CTNNA1: variants seen among roughly 807,000 people sequenced by gnomAD.
CTNNA1 encodes the protein catenin alpha 1, also known as catenin alpha-1.
CTNNA1 carries 37 observed loss-of-function variants against 98.4 expected under a neutral mutation model. That is an observed-to-expected ratio of 0.38 (90% CI 0.29 to 0.49). The LOEUF (loss-of-function observed/expected upper bound fraction) is 0.49. Among genes scored for constraint, CTNNA1 ranks in the 20% least tolerant of loss-of-function variants. The pLI is 0.95. For missense variants in CTNNA1, 761 were observed against 1,147.2 expected, an observed-to-expected ratio of 0.66 and a Z score of 4.86; for synonymous variants, 404 against 413.2, an observed-to-expected ratio of 0.98 and a Z score of 0.27.
intron 10 of CTNNA1, among the ~76,000 whole-genome samples, chr5:138,916,285 G>A (rs1761744481): frequency 6.6e-6 from 1 of 151,738 alleles, no homozygotes; most frequent in African/African-American, 2.4e-5. Flanking sequence ...AACTGAATGT[G>A]GTGAATGTTG....
intron 7 of CTNNA1, among the ~76,000 whole-genome samples, chr5:138,831,234 G>A (rs1373505586): frequency 6.6e-6 from 1 of 152,062 alleles, no homozygotes; most frequent in Non-Finnish European, 1.5e-5. Flanking sequence ...TTTCTCTGAG[G>A]CAGTGATTCT....
chr5:138,766,394 G>A (rs1272359081), intron 1 of CTNNA1, among the ~76,000 whole-genome samples: 1 of 151,902 alleles, frequency 6.6e-6, no homozygotes, highest in Non-Finnish European at 1.5e-5. Flanking sequence ...AGTAGGCGAG[G>A]CTTGTAGGAG....
At chr5:138,803,178 G>C (rs1253108314) in intron 3 of CTNNA1, among the ~76,000 whole-genome samples, 2 of 148,492 alleles carry the variant, frequency 1.3e-5, no homozygotes, top group Non-Finnish European at 3.0e-5. Flanking sequence ...TTTTTTGGGA[G>C]ATGGGGTCTG....
chr5:138,874,536 A>G lies in CTNNA1; in HGVS notation c.1063-11676A>G. ...ATTGCTGCCAGCATAGGGGCCCCTAATGGCCACTTGAAATGTAAGCCTGCA... is the reference window on the plus strand; with the variant it reads ...ATTGCTGCCAGCATAGGGGCCCCTAGTGGCCACTTGAAATGTAAGCCTGCA... On this transcript the variant is annotated intron_variant, in intron 7 of 17. Coordinates refer to ENST00000302763, the MANE Select transcript of CTNNA1 (RefSeq NM_001903.5). This position sits in a 1 kb window ranked among gnomAD's most constrained non-coding sequence, Gnocchi z 4.1. The G allele has an allele frequency of 6.4e-7, 1 of 1,574,768 alleles. No individual in the cohort carries two copies. Among genetic ancestry groups the G allele is most frequent in the Non-Finnish European group, 8.6e-7 (1 of 1,156,682 alleles).
chr5:138,846,162 G>GGCTGGTCTTGAACTCCTGGCCTC lies in CTNNA1; in HGVS notation c.1062+18445_1062+18467dup, dbSNP rs1302841312. Among the ~76,000 whole-genome samples, 10 of 152,308 alleles carry GGCTGGTCTTGAACTCCTGGCCTC rather than the reference G, an allele frequency of 6.6e-5. No homozygotes were observed. In the East Asian group the frequency reaches 1.9e-3, roughly 29 times the overall value. On this transcript the variant is annotated intron_variant, in intron 7 of 17. Coordinates refer to ENST00000302763, the MANE Select transcript of CTNNA1 (RefSeq NM_001903.5). ...AGACAGGGTTTCACCATCTTGGCCA[G>GGCTGGTCTTGAACTCCTGGCCTC]GCTGGTCTTGAACTCCTGGCCTCAG...
intron 1 of CTNNA1, among the ~76,000 whole-genome samples, chr5:138,760,044 G>C (rs1243919748): frequency 4.3e-5 from 6 of 140,474 alleles, no homozygotes; most frequent in African/African-American, 1.6e-4. Flanking sequence ...GCCCAGGCTG[G>C]AGTGCAATGG....
At chr5:138,821,547 A>G (rs1237859434) in intron 5 of CTNNA1, among the ~76,000 whole-genome samples, 5 of 152,178 alleles carry the variant, frequency 3.3e-5, no homozygotes, top group African/African-American at 1.2e-4. Flanking sequence ...TTTTAAGTGT[A>G]GCCATTTGTA....
chr5:138,796,020 C>A (rs528108235), intron 3 of CTNNA1, among the ~76,000 whole-genome samples: 37 of 152,048 alleles, frequency 2.4e-4, no homozygotes, highest in Middle Eastern at 3.4e-3. Context: ...TTTAATGGAT[C>A]CTGAACATCT....
chr5:138,813,176 C>G (rs1759020149), intron 5 of CTNNA1, among the ~76,000 whole-genome samples: 1 of 152,202 alleles, frequency 6.6e-6, no homozygotes, highest in African/African-American at 2.4e-5. Flanking sequence ...GCAGTATCAT[C>G]AAGGATCCAG....
chr5:138,875,949 C>A (rs1751404026), intron 7 of CTNNA1, among the ~76,000 whole-genome samples: 1 of 152,018 alleles, frequency 6.6e-6, no homozygotes, highest in Non-Finnish European at 1.5e-5. Flanking sequence ...TTATTTTTTT[C>A]TTTGAGAATT....
At chr5:138,769,738 G>GA (rs752455477) in intron 1 of CTNNA1, among the ~76,000 whole-genome samples, 27 of 152,094 alleles carry the variant, frequency 1.8e-4, no homozygotes, top group Non-Finnish European at 3.5e-4. Flanking sequence ...TCTCCCTGTT[G>GA]ATCAGGCTGG....
At chr5:138,772,833 ATGAAAAGAG>A in intron 1 of CTNNA1, among the ~76,000 whole-genome samples, 1 of 143,490 alleles carries the variant, frequency 7.0e-6, no homozygotes, top group East Asian at 2.1e-4. Flanking sequence ...TTATAGATAG[ATGAAAAGAG>A]CACCAGAATT....
chr5:138,834,181 C>T (rs1302900083), intron 7 of CTNNA1, among the ~76,000 whole-genome samples: 1 of 152,192 alleles, frequency 6.6e-6, no homozygotes, highest in African/African-American at 2.4e-5. Flanking sequence ...TTTTGAAGGA[C>T]TCTGAAGAGC....
chr5:138,901,358 A>G (rs2150123108), intron 9 of CTNNA1, among the ~76,000 whole-genome samples: 1 of 151,824 alleles, frequency 6.6e-6, no homozygotes, highest in Non-Finnish European at 1.5e-5. Context: ...AGGTTTCACT[A>G]TGTGGCCAGG....
At chr5:138,920,864 C>T (rs1762784470) in intron 11 of CTNNA1, among the ~76,000 whole-genome samples, 1 of 152,116 alleles carries the variant, frequency 6.6e-6, no homozygotes. Flanking sequence ...AAGTCATGTC[C>T]TGATTTGTGG....
chr5:138,924,968 T>C (rs1763692916), intron 12 of CTNNA1, among the ~76,000 whole-genome samples: 1 of 152,268 alleles, frequency 6.6e-6, no homozygotes, highest in African/African-American at 2.4e-5. Context: ...TTAAATCTCC[T>C]ATTAGTGAGT....
chr5:138,808,755 A>C (rs964486186), intron 3 of CTNNA1, among the ~76,000 whole-genome samples: 5 of 151,810 alleles, frequency 3.3e-5, no homozygotes, highest in Non-Finnish European at 7.4e-5. Flanking sequence ...TTTAATGTGA[A>C]CTGAAGTGGG....
chr5:138,929,958 A>T (rs13167949), intron 14 of CTNNA1, among the ~76,000 whole-genome samples: 1 of 152,198 alleles, frequency 6.6e-6, no homozygotes, highest in Admixed American at 6.5e-5. Context: ...GGAGCTCCCC[A>T]GCCGTAGGTC....
At chr5:138,811,966 A>C in intron 4 of CTNNA1, 7 of 396,668 alleles carry the variant, frequency 1.8e-5, no homozygotes, top group East Asian at 1.1e-4. Flanking sequence ...GGGGGAGGGA[A>C]TTTTGTACTT....
Sources: gnomAD v4.1 joint callset for allele counts (sites outside exome capture counted in the v4.1 genomes callset) on GRCh38, gnomAD v4.1.1 for gene constraint, Gnocchi (gnomAD v3.1) non-coding constraint, MANE v1.5 for transcripts, NCBI Gene and HGNC (gene_info 2026-07-23, HGNC 2026-07-21) for gene names.